The following CRACD variants were observed in gnomAD, a reference collection of about 807,000 sequenced individuals.
The protein encoded by CRACD is capping protein inhibiting regulator of actin dynamics.
Under a neutral mutation model 106.8 loss-of-function variants are expected in CRACD, and 56 were observed. The ratio of observed to expected loss-of-function variants is 0.52; its 90% CI spans 0.42 to 0.66. CRACD has a LOEUF of 0.66. Among genes scored for constraint, CRACD ranks in the 30% least tolerant of loss-of-function variants. CRACD has a pLI of 0.00. For synonymous variants in CRACD, 754 were observed against 670.8 expected, an observed-to-expected ratio of 1.12 and a Z score of -1.92; for missense variants, 1,730 against 1,623.2, an observed-to-expected ratio of 1.07 and a Z score of -1.13.
intron 2 of CRACD, among the ~76,000 whole-genome samples, chr4:56,259,220 C>T (rs1741553023): frequency 1.3e-5 from 2 of 152,082 alleles, no homozygotes; most frequent in East Asian, 3.9e-4. Context: ...GCATGACTCA[C>T]TTCATCTACC....
rs570390435 is a variant in CRACD at position 56,253,930 on chromosome 4, G to T, written c.-188-18391G>T. ...TTTCCTTTACTCCTACATCACATGAGTCAGTGGTCACTATTCAAAGAGGCA... is the reference window on the plus strand; with the variant it reads ...TTTCCTTTACTCCTACATCACATGATTCAGTGGTCACTATTCAAAGAGGCA... On this transcript the variant is annotated intron_variant, in intron 2 of 10. Transcript: ENST00000682029. Among the ~76,000 whole-genome samples the T allele has an allele frequency of 5.3e-4, 81 of 152,280 alleles. 1 individual carries two copies. The highest frequency in any genetic ancestry group is 1.9e-3 in the African/African-American group (77 of 41,550).
chr4:56,307,834 A>AC, intron 5 of CRACD, 135 bp downstream of exon 5: 1 of 807,046 alleles, frequency 1.2e-6, no homozygotes, highest in Non-Finnish European at 2.0e-6. Context: ...GCTTGAGGGC[A>AC]CTTCCTGGTA....
intron 2 of CRACD, among the ~76,000 whole-genome samples, chr4:56,220,162 ATTC>A (rs1238699717): frequency 1.3e-5 from 2 of 152,202 alleles, no homozygotes; most frequent in Non-Finnish European, 2.9e-5. Flanking sequence ...CCATACCTGT[ATTC>A]TTATTACTGA....
intron 2 of CRACD, 46 bp from the exon 3 acceptor site, chr4:56,272,275 T>A (rs971321328): frequency 2.6e-5 from 4 of 153,554 alleles, no homozygotes; most frequent in African/African-American, 9.6e-5. Context: ...GGCTTGGAAG[T>A]GCAGCCCTGC....
intron 3 of CRACD, among the ~76,000 whole-genome samples, chr4:56,285,358 T>C (rs1277702756): frequency 1.3e-5 from 2 of 152,142 alleles, no homozygotes; most frequent in African/African-American, 4.8e-5. Context: ...CCCTATGCGG[T>C]AATAGAACCC....
intron 3 of CRACD, among the ~76,000 whole-genome samples, chr4:56,281,353 C>T (rs1349823080): frequency 3.9e-5 from 6 of 152,026 alleles, no homozygotes; most frequent in East Asian, 1.9e-4. Flanking sequence ...TTCCCAGCCC[C>T]GTCCATGAAA....
intron 1 of CRACD, among the ~76,000 whole-genome samples, chr4:56,135,153 G>A (rs114461035): frequency 0.018 from 2,694 of 152,236 alleles, 70 homozygotes; most frequent in African/African-American, 0.061. Context: ...AGGCCTGGCG[G>A]TATGCGCCTG....
chr4:56,060,087 G>A (rs1314394497), intron 1 of CRACD, among the ~76,000 whole-genome samples: 2 of 152,134 alleles, frequency 1.3e-5, no homozygotes, highest in African/African-American at 4.8e-5. Context: ...TGATTTCATG[G>A]GCTGCCATGT....
chr4:56,278,714 A>C (rs1742819148), intron 3 of CRACD, among the ~76,000 whole-genome samples: 1 of 152,186 alleles, frequency 6.6e-6, no homozygotes, highest in Non-Finnish European at 1.5e-5. Flanking sequence ...CAATCCACAG[A>C]ATGGATGGAA....
chr4:56,272,546 T>A (rs1398237353), intron 3 of CRACD, 54 bp downstream of exon 3: 1 of 152,404 alleles, frequency 6.6e-6, no homozygotes, highest in Non-Finnish European at 1.5e-5. Context: ...GGGTGGGGAA[T>A]GGGATCCCAA....
chr4:56,218,467 C>T (rs1386317924), intron 2 of CRACD, among the ~76,000 whole-genome samples: 1 of 136,320 alleles, frequency 7.3e-6, no homozygotes, highest in African/African-American at 2.8e-5. Flanking sequence ...CTTCCCCTGC[C>T]TTTCCTTCCC....
intron 1 of CRACD, among the ~76,000 whole-genome samples, chr4:56,076,000 T>C (rs1023816849): frequency 2.0e-5 from 3 of 152,188 alleles, no homozygotes; most frequent in African/African-American, 7.2e-5. Context: ...AAAGCTTCCT[T>C]TGGCTGGAAG....
At chr4:56,189,308 A>T (rs914630580) in intron 2 of CRACD, among the ~76,000 whole-genome samples, 1 of 152,156 alleles carries the variant, frequency 6.6e-6, no homozygotes, top group African/African-American at 2.4e-5. Flanking sequence ...GCCATTATCC[A>T]TAGCATAACT....
At chr4:56,309,910 G>A (rs907344884) in intron 5 of CRACD, among the ~76,000 whole-genome samples, 3 of 151,592 alleles carry the variant, frequency 2.0e-5, no homozygotes, top group Non-Finnish European at 2.9e-5. Context: ...CATGCCTCTA[G>A]TCCCAGCTAC....
intron 1 of CRACD, among the ~76,000 whole-genome samples, chr4:56,107,007 G>A (rs1183399874): frequency 6.6e-6 from 1 of 152,074 alleles, no homozygotes; most frequent in Non-Finnish European, 1.5e-5. Context: ...ATCTTGCTCG[G>A]TCACCCATGC....
intron 1 of CRACD, among the ~76,000 whole-genome samples, chr4:56,091,524 C>T (rs991542824): frequency 1.3e-5 from 2 of 152,124 alleles, no homozygotes; most frequent in Non-Finnish European, 2.9e-5. Flanking sequence ...CATAGTGTAG[C>T]TGGAGTTTCT....
At chr4:56,273,489 G>A (rs1405174814) in intron 3 of CRACD, among the ~76,000 whole-genome samples, 1 of 151,796 alleles carries the variant, frequency 6.6e-6, no homozygotes, top group Non-Finnish European at 1.5e-5. Context: ...GTGTGACAGT[G>A]TCAGGAACTC....
chr4:56,153,619 T>TCA (rs1735664372), intron 1 of CRACD, among the ~76,000 whole-genome samples: 1 of 152,216 alleles, frequency 6.6e-6, no homozygotes, highest in Admixed American at 6.5e-5. Flanking sequence ...TCAGAGCATG[T>TCA]CACGTCCTTG....
At chr4:56,279,950 A>G (rs958305249) in intron 3 of CRACD, among the ~76,000 whole-genome samples, 14 of 151,948 alleles carry the variant, frequency 9.2e-5, no homozygotes, top group African/African-American at 3.4e-4. Context: ...ACACCATGGA[A>G]TACTATGCAG....
Sources: allele counts gnomAD v4.1 joint callset (sites outside exome capture counted in the v4.1 genomes callset), GRCh38; gene constraint gnomAD v4.1.1; transcripts MANE v1.5; gene names NCBI Gene and HGNC (gene_info 2026-07-23, HGNC 2026-07-21).